Variants in VPS37A observed in about 807,000 individuals in gnomAD.
VPS37A encodes the protein VPS37A subunit of ESCRT-I.
Under a neutral mutation model 49.8 loss-of-function variants are expected in VPS37A, and 30 were observed. The ratio of observed to expected loss-of-function variants is 0.60; its 90% CI spans 0.45 to 0.82. VPS37A has a LOEUF of 0.82. VPS37A is among the 40% of genes least tolerant of loss of function. VPS37A has a pLI of 0.00. For missense variants in VPS37A, 593 were observed against 464.4 expected (o/e 1.28, Z -2.55); for synonymous variants, 195 against 160.6 (o/e 1.21, Z -1.62).
the VPS37A span, among the ~76,000 whole-genome samples, chr8:17,321,851 A>C: frequency 6.6e-6 from 1 of 152,336 alleles, no homozygotes; most frequent in African/African-American, 2.4e-5. Flanking sequence ...ACATATATAA[A>C]CTACAGTAAA....
chr8:17,266,323 T>G (rs1348790864), intron 2 of VPS37A, among the ~76,000 whole-genome samples: 2 of 152,162 alleles, frequency 1.3e-5, no homozygotes, highest in African/African-American at 2.4e-5. Flanking sequence ...TAGAGATAGA[T>G]TCACCTTTAA....
chr8:17,254,329 C>G (rs77336290), intron 1 of VPS37A, among the ~76,000 whole-genome samples: 9,329 of 152,102 alleles, frequency 0.061, 331 homozygotes, highest in Middle Eastern at 0.099. Context: ...CCTGAGGAGT[C>G]TCCGCTAGCT....
At chr8:17,279,855 A>T (rs1285398384) in intron 6 of VPS37A, 173 bp from the exon 7 acceptor site, 2 of 766,338 alleles carry the variant, frequency 2.6e-6, no homozygotes, top group Non-Finnish European at 4.4e-6. Context: ...TCTATGTTCC[A>T]TTGTGGTTGA....
the VPS37A span, among the ~76,000 whole-genome samples, chr8:17,322,387 A>G: frequency 6.6e-6 from 1 of 152,228 alleles, no homozygotes; most frequent in Non-Finnish European, 1.5e-5. Flanking sequence ...ATAATGTGCT[A>G]TTAGTATATA....
chr8:17,265,851 T>G, intron 1 of VPS37A, 56 bp from the exon 2 acceptor site: 8 of 1,611,676 alleles, frequency 5.0e-6, no homozygotes, highest in Non-Finnish European at 5.1e-6. Context: ...AACATTGGTT[T>G]TTAACAATAA....
chr8:17,304,699 T>C (rs1817336301), downstream of VPS37A, among the ~76,000 whole-genome samples: 1 of 150,636 alleles, frequency 6.6e-6, no homozygotes. Context: ...ACTGTAATAA[T>C]CTCAACTTCA....
At chr8:17,302,504 G>A (rs1217241793), downstream of VPS37A, 32 of 459,398 alleles carry the variant, frequency 7.0e-5, no homozygotes, top group Non-Finnish European at 7.6e-6. Context: ...AAGTCTGCCT[G>A]TATATATGAA....
chr8:17,257,015 G>A (rs1403931671), intron 1 of VPS37A, among the ~76,000 whole-genome samples: 1 of 152,156 alleles, frequency 6.6e-6, no homozygotes, highest in African/African-American at 2.4e-5. Flanking sequence ...ACAATGTACT[G>A]AAGCATTTCC....
chr8:17,268,204 T>C (rs1813645866), intron 2 of VPS37A, 54 bp from the exon 3 acceptor site: 1 of 1,274,082 alleles, frequency 7.8e-7, no homozygotes, highest in Admixed American at 1.9e-5. Context: ...TTTGACCATA[T>C]AATGTACCTT....
the VPS37A span, among the ~76,000 whole-genome samples, chr8:17,312,397 A>G: frequency 6.6e-6 from 1 of 152,118 alleles, no homozygotes; most frequent in Non-Finnish European, 1.5e-5. Flanking sequence ...CAACATGGTG[A>G]AACCCCGTCT....
At position 17,280,198 on chromosome 8, in the gene VPS37A, C is replaced by G. The variant is rs375487182; in HGVS notation, c.842-41C>G. 66 of 1,610,714 alleles carry G rather than the reference C, an allele frequency of 4.1e-5. 3 individuals are homozygous for G. The East Asian group carries it at 4.2e-4, about 10-fold the overall frequency. ...TGAGCGCACATTTCCTGAAAAAAAT[C>G]TCATCTTTACCTAGAAGTAAACTAG... On this transcript the variant is annotated intron_variant, in intron 7 of 11. Coordinates refer to ENST00000324849, the MANE Select transcript of VPS37A (RefSeq NM_152415.3).
chr8:17,313,115 T>C, the VPS37A span, among the ~76,000 whole-genome samples: 3 of 152,230 alleles, frequency 2.0e-5, no homozygotes, highest in Admixed American at 6.5e-5. Context: ...CAGCTAAGCA[T>C]TGTATTCTTT....
the VPS37A span, chr8:17,331,263 C>A: frequency 3.1e-6 from 5 of 1,608,132 alleles, no homozygotes; most frequent in Non-Finnish European, 4.2e-6. Context: ...CCCTGCAGCA[C>A]GATTTGCCAT....
chr8:17,249,107 T>A (rs1811739132), intron 1 of VPS37A, among the ~76,000 whole-genome samples: 1 of 152,250 alleles, frequency 6.6e-6, no homozygotes, highest in South Asian at 2.1e-4. Context: ...TAGTATGTAG[T>A]ATTATGTTAA....
intron 1 of VPS37A, among the ~76,000 whole-genome samples, chr8:17,263,012 G>A (rs1813101337): frequency 6.8e-6 from 1 of 146,620 alleles, no homozygotes; most frequent in Admixed American, 6.9e-5. Context: ...AGTGAGCCGA[G>A]ATCTCGCCAT....
In VPS37A at chr8:17,295,399, C is replaced by G. The variant is rs570738837; in HGVS notation, c.*413C>G. 10 of 152,496 alleles carry G rather than the reference C, an allele frequency of 6.6e-5. No homozygotes were observed. Among genetic ancestry groups the G allele is most frequent in the African/African-American group, 2.4e-4 (10 of 41,516 alleles). 9.4% of individuals were successfully genotyped at this position (152,496 alleles called of 1,614,324 possible). A position where few individuals can be genotyped will look rare whatever the true frequency, so the allele number is the denominator to read the frequency against. ...TTTCCTCTTAACCTTTTTTCAAAAACTATTTTCAACTGTGAGGAAACCCTT... is the reference window on the plus strand; with the variant it reads ...TTTCCTCTTAACCTTTTTTCAAAAAGTATTTTCAACTGTGAGGAAACCCTT... On this transcript the variant is annotated 3_prime_UTR_variant, in exon 12 of 12. Transcript: ENST00000324849.
intron 11 of VPS37A, among the ~76,000 whole-genome samples, chr8:17,292,413 C>T (rs1013172262): frequency 1.3e-5 from 2 of 152,138 alleles, no homozygotes; most frequent in Non-Finnish European, 2.9e-5. Context: ...GATCTTGACT[C>T]TGTATCATTT....
In VPS37A at chr8:17,268,268, CCA is replaced by C; in HGVS notation, c.214_215del (p.Gln72ValfsTer21). 6.2e-7 allele frequency: 1 copy of C among 1,611,992 alleles called. No homozygotes were observed. The highest frequency in any genetic ancestry group is 8.5e-7 in the Non-Finnish European group (1 of 1,179,336). On this transcript the variant is annotated frameshift_variant, in exon 3 of 12. Coordinates refer to ENST00000324849, the MANE Select transcript of VPS37A (RefSeq NM_152415.3). LOFTEE classifies it high-confidence loss of function. ...TTCTACCTCTACCAGATTGCTTCCT[CCA>C]CAGTTTCCTCAGGAAAAACCAGTGA... is the stretch of plus-strand genomic sequence containing the variant. Reference protein sequence around the residue: ...LTININILLPPQFPQEKPVIS... With the variant: ...LTININILLPXQFPQEKPVIS...
chr8:17,273,394 A>G (rs913341006), intron 4 of VPS37A, among the ~76,000 whole-genome samples: 1 of 152,184 alleles, frequency 6.6e-6, no homozygotes, highest in Admixed American at 6.5e-5. Context: ...GTTCCTATAC[A>G]ATCCCTATTT....
Sources: allele counts gnomAD v4.1 joint callset (sites outside exome capture counted in the v4.1 genomes callset), GRCh38; gene constraint gnomAD v4.1.1; transcripts MANE v1.5; gene names NCBI Gene and HGNC (gene_info 2026-07-23, HGNC 2026-07-21).